AGAP1: variants seen among roughly 807,000 people sequenced by gnomAD.
AGAP1 encodes the protein arf-GAP with GTPase, ANK repeat and PH domain-containing protein 1.
A neutral mutation model predicts 105.3 loss-of-function variants in AGAP1; 29 were observed. The observed-to-expected ratio is 0.28, with a 90% confidence interval of 0.21 to 0.38. The LOEUF (loss-of-function observed/expected upper bound fraction) is 0.38. Among genes scored for constraint, AGAP1 ranks in the 10% least tolerant of loss-of-function variants. AGAP1 has a pLI of 1.00. For missense variants in AGAP1, 998 were observed against 1,165.1 expected (o/e 0.86, Z 2.09); for synonymous variants, 509 against 485.9 (o/e 1.05, Z -0.63).
chr2:235,849,718 C>T (rs866869079), intron 9 of AGAP1, among the ~76,000 whole-genome samples: 2 of 152,334 alleles, frequency 1.3e-5, no homozygotes, highest in Middle Eastern at 3.4e-3. Context: ...CCTGGCCCTT[C>T]TCCCTTCCTC....
At position 235,596,137 on chromosome 2, in the gene AGAP1, A is replaced by C. The variant is rs895568728; in HGVS notation, c.163+101288A>C. Among the ~76,000 whole-genome samples the C allele has an allele frequency of 1.3e-5, 2 of 152,222 alleles. No homozygotes were observed. Among genetic ancestry groups the C allele is most frequent in the African/African-American group, 4.8e-5 (2 of 41,466 alleles). ...GAAATCACCCATAAGCACAGCCTTCAGTCTAACTTCATGTCAAGTCTAAGT... is the reference window on the plus strand; with the variant it reads ...GAAATCACCCATAAGCACAGCCTTCCGTCTAACTTCATGTCAAGTCTAAGT... On this transcript the variant is annotated intron_variant, in intron 1 of 17. Coordinates refer to ENST00000304032, the MANE Select transcript of AGAP1 (RefSeq NM_001037131.3). The surrounding 1 kb of genome is among the most constrained non-coding windows in gnomAD (Gnocchi z 5.9).
At chr2:235,798,049 G>A (rs1354708861) in intron 7 of AGAP1, among the ~76,000 whole-genome samples, 163 bp downstream of exon 7, 2 of 152,132 alleles carry the variant, frequency 1.3e-5, no homozygotes, top group Non-Finnish European at 2.9e-5. Context: ...CTGTGGCCAA[G>A]TGATTTTTAT....
intron 9 of AGAP1, among the ~76,000 whole-genome samples, chr2:235,835,250 C>A (rs1960001603): frequency 1.3e-5 from 2 of 152,166 alleles, no homozygotes; most frequent in Admixed American, 6.5e-5. Flanking sequence ...ATGGCCTGCA[C>A]CAAAATGTTT....
rs1471977830 is a variant in AGAP1 at position 235,905,422 on chromosome 2, C to T, written c.1156-3316C>T. Reference sequence around the variant, plus strand: ...TTCAGTGGATATTAATGGAAGTAAACTAAAGATGCTTGAGAAAAACCTTTT... The same window carrying T: ...TTCAGTGGATATTAATGGAAGTAAATTAAAGATGCTTGAGAAAAACCTTTT... On this transcript the variant is annotated intron_variant, in intron 10 of 17. Transcript: ENST00000304032. The surrounding 1 kb of genome is among the most constrained non-coding windows in gnomAD (Gnocchi z 4.2). 1.3e-5 allele frequency among the ~76,000 whole-genome samples: 2 copies of T among 152,202 alleles called. No homozygotes were observed. Among genetic ancestry groups the T allele is most frequent in the Non-Finnish European group, 2.9e-5 (2 of 68,028 alleles).
chr2:235,970,644 G>A lies in AGAP1; in HGVS notation c.1645+2021G>A, dbSNP rs368945121. ...ATGCACAACCTGGTGGGAACTGACC[G>A]TTGCCACTTAGATACACGTTCATTA... On this transcript the variant is annotated intron_variant, in intron 13 of 17. Transcript: ENST00000304032. This position sits in a 1 kb window ranked among gnomAD's most constrained non-coding sequence, Gnocchi z 5.4. Among the ~76,000 whole-genome samples the A allele has an allele frequency of 3.3e-5, 5 of 152,206 alleles. No homozygotes were observed. In the East Asian group the frequency reaches 5.8e-4, roughly 18 times the overall value.
Position 235,843,028 on chromosome 2 carries a change from G to A in AGAP1, c.1050+35697G>A, listed in dbSNP as rs956335630. Among the ~76,000 whole-genome samples, 8 of 152,178 alleles carry A rather than the reference G, an allele frequency of 5.3e-5. No individual in the cohort carries two copies. The highest frequency in any genetic ancestry group is 1.4e-4 in the African/African-American group (6 of 41,438). ...AGGCGTTAGCTGCCGTGCCCGGCCCGTGTGAGATTTGATGTGAAGTTGAGG... is the reference window on the plus strand; with the variant it reads ...AGGCGTTAGCTGCCGTGCCCGGCCCATGTGAGATTTGATGTGAAGTTGAGG... On this transcript the variant is annotated intron_variant, in intron 9 of 17. Coordinates refer to ENST00000304032, the MANE Select transcript of AGAP1 (RefSeq NM_001037131.3). The surrounding 1 kb of genome is among the most constrained non-coding windows in gnomAD (Gnocchi z 5.9).
rs921712527 is a variant in AGAP1 at position 235,631,684 on chromosome 2, G to A, written c.164-77495G>A. Among the ~76,000 whole-genome samples the A allele has an allele frequency of 2.6e-5, 4 of 152,204 alleles. No homozygotes were observed. The highest frequency in any genetic ancestry group is 2.1e-4 in the South Asian group (1 of 4,830). The stretch of plus-strand genomic sequence containing the variant: ...GTGCTTAGGTGACCTTCGATGGCAC[G>A]GGGGATAGCAGTATCTGCTTCACAT... On this transcript the variant is annotated intron_variant, in intron 1 of 17. Coordinates refer to ENST00000304032, the MANE Select transcript of AGAP1 (RefSeq NM_001037131.3). This position sits in a 1 kb window ranked among gnomAD's most constrained non-coding sequence, Gnocchi z 5.4.
chr2:235,758,145 C>CGTGTGT (rs146464161), intron 6 of AGAP1, among the ~76,000 whole-genome samples: 4 of 151,692 alleles, frequency 2.6e-5, no homozygotes, highest in African/African-American at 9.7e-5. Flanking sequence ...TGCATGCGTG[C>CGTGTGT]ATGTGTGTGT....
Position 235,845,333 on chromosome 2 carries a change from A to AC in AGAP1, c.1050+38007dup, listed in dbSNP as rs1378123296. 6.6e-6 allele frequency among the ~76,000 whole-genome samples: 1 copy of AC among 151,824 alleles called. No homozygotes were observed. The highest frequency in any genetic ancestry group is 1.5e-5 in the Non-Finnish European group (1 of 67,980). On this transcript the variant is annotated intron_variant, in intron 9 of 17. Transcript: ENST00000304032. The surrounding 1 kb of genome is among the most constrained non-coding windows in gnomAD (Gnocchi z 4.8). ...ACCACATGTATGGTGTGCTCAGGGG[A>AC]CCCCCAGAGCAAAATCCAACACCAT... is the stretch of plus-strand genomic sequence containing the variant.
In AGAP1 at chr2:235,633,566, C is replaced by T. The variant is rs1946896866; in HGVS notation, c.164-75613C>T. On this transcript the variant is annotated intron_variant, in intron 1 of 17. Transcript: ENST00000304032. The surrounding 1 kb of genome is among the most constrained non-coding windows in gnomAD (Gnocchi z 4.8). ...CAAGATCGCACCATTGCACTCCAGC[C>T]TGGGTGACAAGAGCAAGACTCTGTC... Among the ~76,000 whole-genome samples the T allele has an allele frequency of 6.6e-6, 1 of 152,160 alleles. No homozygotes were observed. The highest frequency in any genetic ancestry group is 2.1e-4 in the South Asian group (1 of 4,822).
rs941842354 is a variant in AGAP1 at position 235,977,591 on chromosome 2, C to T, written c.1645+8968C>T. Among the ~76,000 whole-genome samples, 1 of 152,116 alleles carries T rather than the reference C, an allele frequency of 6.6e-6. No individual in the cohort carries two copies. Among genetic ancestry groups the T allele is most frequent in the Non-Finnish European group, 1.5e-5 (1 of 68,042 alleles). On this transcript the variant is annotated intron_variant, in intron 13 of 17. Transcript: ENST00000304032. This position sits in a 1 kb window ranked among gnomAD's most constrained non-coding sequence, Gnocchi z 5.2. ...GTTCCCACGCTCTGTTAGACACATG[C>T]GGCCTGGGCTTCAGGAAGTAGAGAT...
At chr2:235,564,717 C>T (rs1944286814) in intron 1 of AGAP1, among the ~76,000 whole-genome samples, 1 of 144,636 alleles carries the variant, frequency 6.9e-6, no homozygotes, top group African/African-American at 2.7e-5. Flanking sequence ...TGGACCACCA[C>T]CCAGGGCCAG....
rs1325511699 is a variant in AGAP1 at position 236,087,710 on chromosome 2, T to G, written c.2115-32482T>G. On this transcript the variant is annotated intron_variant, in intron 16 of 17. Coordinates refer to ENST00000304032, the MANE Select transcript of AGAP1 (RefSeq NM_001037131.3). The surrounding 1 kb of genome is among the most constrained non-coding windows in gnomAD (Gnocchi z 5.7). ...TAAGCCATGTAAGTGGCCTTATTGG[T>G]TAAGTGACAACCGGGGACATACCCA... Among the ~76,000 whole-genome samples the G allele has an allele frequency of 6.6e-6, 1 of 152,216 alleles. No homozygotes were observed. Among genetic ancestry groups the G allele is most frequent in the Non-Finnish European group, 1.5e-5 (1 of 68,040 alleles).
In AGAP1 at chr2:235,956,411, C is replaced by T. The variant is rs554095560; in HGVS notation, c.1484-12051C>T. Among the ~76,000 whole-genome samples the T allele has an allele frequency of 3.9e-5, 6 of 152,332 alleles. No individual in the cohort carries two copies. The South Asian group carries it at 8.3e-4, about 21-fold the overall frequency. ...ATGCTCCCTTCTGTCACACTCCCCA[C>T]GGCTTCCCCAGGCTTTCTGCCTCAC... On this transcript the variant is annotated intron_variant, in intron 12 of 17. Transcript: ENST00000304032.
At chr2:235,581,128 C>A (rs1559264824) in intron 1 of AGAP1, among the ~76,000 whole-genome samples, 1 of 106,426 alleles carries the variant, frequency 9.4e-6, no homozygotes, top group Non-Finnish European at 1.8e-5. Context: ...GAAACCCCAT[C>A]TCAAGCAAAA....
chr2:235,883,735 A>AC lies in AGAP1; in HGVS notation c.1155+287dup, dbSNP rs2050140892. Among the ~76,000 whole-genome samples, 1 of 152,242 alleles carries AC rather than the reference A, an allele frequency of 6.6e-6. No individual in the cohort carries two copies. The highest frequency in any genetic ancestry group is 1.5e-5 in the Non-Finnish European group (1 of 68,044). Reference sequence around the variant, plus strand: ...TAAAATTTTAGATGAGAGTAAAAAGACAGGGGCAAGGAGAAAAGAGAAAGG... The same window carrying AC: ...TAAAATTTTAGATGAGAGTAAAAAGACCAGGGGCAAGGAGAAAAGAGAAAGG... On this transcript the variant is annotated intron_variant, in intron 10 of 17. Transcript: ENST00000304032. The surrounding 1 kb of genome is among the most constrained non-coding windows in gnomAD (Gnocchi z 4.5).
At chr2:235,524,201 A>C (rs1942740715) in intron 1 of AGAP1, 1 of 152,966 alleles carries the variant, frequency 6.5e-6, no homozygotes, top group African/African-American at 2.4e-5. Context: ...GGAACCCAGC[A>C]ACACCCAGGG....
chr2:235,654,129 C>G (rs982772195), intron 1 of AGAP1, among the ~76,000 whole-genome samples: 3 of 152,198 alleles, frequency 2.0e-5, no homozygotes, highest in South Asian at 4.1e-4. Flanking sequence ...TGACAGTTAT[C>G]TAGAGGAGAT....
chr2:235,600,635 A>T lies in AGAP1; in HGVS notation c.163+105786A>T, dbSNP rs1945698195. Among the ~76,000 whole-genome samples, 1 of 152,208 alleles carries T rather than the reference A, an allele frequency of 6.6e-6. No individual in the cohort carries two copies. The highest frequency in any genetic ancestry group is 1.5e-5 in the Non-Finnish European group (1 of 68,038). Reference sequence around the variant, plus strand: ...CGAAAGCTGAAGAACTTGGAGCCTGATGTTCGAGGGCAGGAAGCATCCAGC... The same window carrying T: ...CGAAAGCTGAAGAACTTGGAGCCTGTTGTTCGAGGGCAGGAAGCATCCAGC... On this transcript the variant is annotated intron_variant, in intron 1 of 17. Coordinates refer to ENST00000304032, the MANE Select transcript of AGAP1 (RefSeq NM_001037131.3). This position sits in a 1 kb window ranked among gnomAD's most constrained non-coding sequence, Gnocchi z 4.8.
Sources: gnomAD v4.1 joint callset for allele counts (sites outside exome capture counted in the v4.1 genomes callset) on GRCh38, gnomAD v4.1.1 for gene constraint, Gnocchi (gnomAD v3.1) non-coding constraint, MANE v1.5 for transcripts, NCBI Gene and HGNC (gene_info 2026-07-23, HGNC 2026-07-21) for gene names.